The following FANCC variants were observed in gnomAD, a reference collection of about 807,000 sequenced individuals.
FANCC encodes FA complementation group C.
In FANCC, 55 loss-of-function variants were observed where a neutral mutation model predicts 71.3. That is an observed-to-expected ratio of 0.77 (90% CI 0.62 to 0.97). FANCC has a LOEUF of 0.97. Among genes scored for constraint, FANCC ranks in the 50% least tolerant of loss-of-function variants. FANCC has a pLI of 0.00. For synonymous variants in FANCC, 275 were observed against 244.9 expected (o/e 1.12, Z -1.15); for missense variants, 678 against 670.9 (o/e 1.01, Z -0.12).
intron 4 of FANCC, among the ~76,000 whole-genome samples, chr9:95,208,034 G>T (rs1828243381): frequency 6.8e-6 from 1 of 147,750 alleles, no homozygotes; most frequent in Non-Finnish European, 1.5e-5. Context: ...TAAGGGACAG[G>T]AAAGTATTAA....
At chr9:95,271,664 T>C (rs1170158257) in intron 1 of FANCC, among the ~76,000 whole-genome samples, 1 of 152,064 alleles carries the variant, frequency 6.6e-6, no homozygotes, top group African/African-American at 2.4e-5. Context: ...TATCGCATCC[T>C]GCAAGGAGGT....
chr9:95,125,229 C>G lies in FANCC; in HGVS notation c.897-44G>C, dbSNP rs745999027. On this transcript the variant is annotated intron_variant, in intron 9 of 14. Coordinates refer to ENST00000289081, the MANE Select transcript of FANCC (RefSeq NM_000136.3). Reference sequence around the variant, plus strand: ...GATCAGAACACGTTTAACAAGTAATCCGGCAAACATGAAAACCTGCACTGT... The same window carrying G: ...GATCAGAACACGTTTAACAAGTAATGCGGCAAACATGAAAACCTGCACTGT... 3.3e-6 allele frequency: 5 copies of G among 1,521,462 alleles called. No individual in the cohort carries two copies. The African/African-American group carries it at 6.8e-5, about 21-fold the overall frequency. 94.2% of individuals were successfully genotyped at this position (1,521,462 alleles called of 1,614,324 possible).
At chr9:95,116,713 G>A (rs1564654924) in intron 11 of FANCC, among the ~76,000 whole-genome samples, 1 of 152,186 alleles carries the variant, frequency 6.6e-6, no homozygotes, top group Non-Finnish European at 1.5e-5. Flanking sequence ...TGAGCTCACA[G>A]CCACATTCCT....
At chr9:95,211,284 T>C (rs1828479551) in intron 4 of FANCC, among the ~76,000 whole-genome samples, 1 of 152,122 alleles carries the variant, frequency 6.6e-6, no homozygotes, top group Non-Finnish European at 1.5e-5. Context: ...AGACCAACAC[T>C]GGAGTCTGAT....
In FANCC at chr9:95,107,246, G is replaced by A. The variant is rs745338413; in HGVS notation, c.1353C>T (p.Gly451=). The part of the protein sequence containing the change: ...QTMVQVKAVL[G]HLLAMSRSSS... ...TGCTTCTGGACATTGCCAGGAGGTG[G>A]CCCAGCACGGCCTTCACCTGGACCT... The change falls in exon 14 of 15, where the codon GGC becomes GGT. Residue 451 remains glycine (G), a synonymous_variant. Coordinates refer to ENST00000289081, the MANE Select transcript of FANCC (RefSeq NM_000136.3). 4.3e-6 allele frequency: 7 copies of A among 1,613,894 alleles called. No individual in the cohort carries two copies. In the African/African-American group the frequency reaches 8.0e-5, roughly 18 times the overall value.
chr9:95,117,442 G>A (rs1277351766), intron 10 of FANCC, 52 bp from the exon 11 acceptor site: 1 of 1,502,564 alleles, frequency 6.7e-7, no homozygotes, highest in African/African-American at 1.4e-5. Context: ...TTGAAACGGG[G>A]TCAGGAAAAT....
At chr9:95,163,025 T>C (rs371568684) in intron 6 of FANCC, among the ~76,000 whole-genome samples, 52 of 152,240 alleles carry the variant, frequency 3.4e-4, no homozygotes, top group Admixed American at 1.1e-3. Flanking sequence ...TCCAAGATCA[T>C]TGCGAAGTCC....
At chr9:95,121,950 C>T (rs2072919340) in intron 10 of FANCC, among the ~76,000 whole-genome samples, 1 of 151,810 alleles carries the variant, frequency 6.6e-6, no homozygotes, top group South Asian at 2.1e-4. Flanking sequence ...CTCCGCCTCC[C>T]GGGTTCATGC....
intron 1 of FANCC, among the ~76,000 whole-genome samples, chr9:95,291,121 C>G (rs886190272): frequency 2.6e-5 from 4 of 152,254 alleles, no homozygotes; most frequent in African/African-American, 7.2e-5. Flanking sequence ...ACTAACCATA[C>G]CGACTGGGGA....
At chr9:95,109,533 A>G (rs1466139298) in intron 13 of FANCC, 1 of 150,622 alleles carries the variant, frequency 6.6e-6, no homozygotes, top group African/African-American at 2.4e-5. Context: ...TTTTGTTGTG[A>G]TCTGATTCAG....
At chr9:95,205,670 G>A (rs1463489196) in intron 4 of FANCC, among the ~76,000 whole-genome samples, 1 of 150,904 alleles carries the variant, frequency 6.6e-6, no homozygotes, top group Admixed American at 6.6e-5. Context: ...AACTAACCAA[G>A]AGCTTTACTA....
Position 95,146,362 on chromosome 9 carries a change from C to T in FANCC, c.686+3561G>A, listed in dbSNP as rs562415616. On this transcript the variant is annotated intron_variant, in intron 7 of 14. Coordinates refer to ENST00000289081, the MANE Select transcript of FANCC (RefSeq NM_000136.3). ...AATTAGCCAGGCATGGTAGCACACA[C>T]CTGTGGTCCCAGCTACTCAGGAGGC... 3.3e-5 allele frequency among the ~76,000 whole-genome samples: 5 copies of T among 151,790 alleles called. No homozygotes were observed. In the South Asian group the frequency reaches 8.3e-4, roughly 25 times the overall value.
At chr9:95,236,620 C>T (rs1830330652) in intron 4 of FANCC, among the ~76,000 whole-genome samples, 1 of 152,086 alleles carries the variant, frequency 6.6e-6, no homozygotes, top group Admixed American at 6.5e-5. Flanking sequence ...CTATCATTTT[C>T]AAATTTATTA....
intron 1 of FANCC, among the ~76,000 whole-genome samples, chr9:95,307,507 T>C (rs1410068254): frequency 6.6e-6 from 1 of 152,216 alleles, no homozygotes; most frequent in African/African-American, 2.4e-5. Context: ...AATGCAGTAA[T>C]TTCTCCAATA....
At chr9:95,164,237 T>G (rs1351837348) in intron 6 of FANCC, among the ~76,000 whole-genome samples, 1 of 152,198 alleles carries the variant, frequency 6.6e-6, no homozygotes, top group East Asian at 1.9e-4. Context: ...TTCCTTCCTT[T>G]CCAATTTGGA....
chr9:95,188,162 A>C (rs954031252), intron 4 of FANCC, among the ~76,000 whole-genome samples: 4 of 152,138 alleles, frequency 2.6e-5, no homozygotes, highest in African/African-American at 9.7e-5. Flanking sequence ...CTGTTTCATC[A>C]TTCTGTTTGC....
At chr9:95,283,492 A>G (rs969745945) in intron 1 of FANCC, among the ~76,000 whole-genome samples, 1 of 152,184 alleles carries the variant, frequency 6.6e-6, no homozygotes, top group African/African-American at 2.4e-5. Flanking sequence ...TGACCAAATA[A>G]CTTACTACTC....
intron 4 of FANCC, among the ~76,000 whole-genome samples, chr9:95,174,859 A>C (rs1825912954): frequency 6.6e-6 from 1 of 152,168 alleles, no homozygotes; most frequent in Admixed American, 6.5e-5. Context: ...CGTGGCACAC[A>C]TACCAGTGAC....
chr9:95,116,680 A>G (rs1390602040), intron 11 of FANCC, among the ~76,000 whole-genome samples: 1 of 152,092 alleles, frequency 6.6e-6, no homozygotes, highest in Non-Finnish European at 1.5e-5. Flanking sequence ...CTTATTCTCT[A>G]TTTCCGAAAT....
Sources: allele counts gnomAD v4.1 joint callset (sites outside exome capture counted in the v4.1 genomes callset), GRCh38; gene constraint gnomAD v4.1.1; transcripts MANE v1.5; gene names NCBI Gene and HGNC (gene_info 2026-07-23, HGNC 2026-07-21).